The following MARVELD3 variants were observed in gnomAD, a reference collection of about 807,000 sequenced individuals.
The protein encoded by MARVELD3 is MARVEL domain containing 3.
In MARVELD3, 28 loss-of-function variants were observed where a neutral mutation model predicts 33.5. The observed-to-expected ratio is 0.84, with a 90% CI of 0.62 to 1.15. MARVELD3 has a LOEUF of 1.15. Among genes scored for constraint, MARVELD3 ranks in the 50% most tolerant of loss-of-function variants. MARVELD3 has a pLI of 0.00. For synonymous variants in MARVELD3, 241 were observed against 230.4 expected, an observed-to-expected ratio of 1.05 and a Z score of -0.42; for missense variants, 582 against 547.6, an observed-to-expected ratio of 1.06 and a Z score of -0.63.
chr16:71,640,228 T>C (rs1231367376), downstream of MARVELD3, among the ~76,000 whole-genome samples: 9 of 151,332 alleles, frequency 5.9e-5, no homozygotes, highest in Non-Finnish European at 5.9e-5. Flanking sequence ...AATCACACCA[T>C]TGCACTCCAG....
At chr16:71,629,678 A>G (rs1002575252) in intron 2 of MARVELD3, 184 bp downstream of exon 2, 7 of 594,928 alleles carry the variant, frequency 1.2e-5, no homozygotes, top group South Asian at 3.3e-5. Flanking sequence ...GAACGTCTCA[A>G]AAGTGCTGCT....
intron 2 of MARVELD3, among the ~76,000 whole-genome samples, chr16:71,632,734 C>T (rs2044545121): frequency 6.6e-6 from 1 of 151,836 alleles, no homozygotes; most frequent in African/African-American, 2.4e-5. Context: ...ACCTCAGCCT[C>T]CTGAGGAGCT....
Position 71,635,839 on chromosome 16 carries a change from G to C in MARVELD3, c.*1036G>C. On this transcript the variant is annotated 3_prime_UTR_variant, in exon 3 of 3. Coordinates refer to ENST00000268485, the MANE Select transcript of MARVELD3 (RefSeq NM_052858.6). ...GAGGTAGGCGTGGGCTGAGGAAAGAGGAATCAGATTAATTCTCTGGGTTGC... is the reference window on the plus strand; with the variant it reads ...GAGGTAGGCGTGGGCTGAGGAAAGACGAATCAGATTAATTCTCTGGGTTGC... The C allele has an allele frequency of 1.0e-6, 1 of 985,372 alleles. No individual in the cohort carries two copies. The highest frequency in any genetic ancestry group is 1.2e-6 in the Non-Finnish European group (1 of 829,934). The allele number at this position is 985,372 out of a possible 1,614,324, so 61.0% of individuals were successfully genotyped here.
rs1321103667 is a variant in MARVELD3 at position 71,626,418 on chromosome 16, G to A, written c.189G>A (p.Gln63=). Residue 63 remains glutamine, a synonymous_variant, in exon 1 of 3, where the codon CAG becomes CAA. Coordinates refer to ENST00000268485, the MANE Select transcript of MARVELD3 (RefSeq NM_052858.6). The surrounding 1 kb of genome is among the most constrained non-coding windows in gnomAD (Gnocchi z 5.3). ...GGGACCGGGACCCGGAGAGAGACCA[G>A]GAGAGGGACGGGAACCGCGACCGGA... is the stretch of plus-strand genomic sequence containing the variant. ...RDGDRDPERD[Q]ERDGNRDRNR... The A allele has an allele frequency of 1.0e-5, 16 of 1,546,536 alleles. No individual in the cohort carries two copies. The highest frequency in any genetic ancestry group is 1.4e-5 in the Non-Finnish European group (16 of 1,145,040).
downstream of MARVELD3, chr16:71,640,862 C>T (rs1438316947): frequency 6.8e-6 from 11 of 1,614,028 alleles, no homozygotes; most frequent in African/African-American, 2.7e-5. Context: ...TGGCAGGCAC[C>T]GACGGAGCAG....
In MARVELD3 at chr16:71,634,292, TG is replaced by T. The variant is rs1225146385; in HGVS notation, c.701del (p.Gly234AlafsTer32). On this transcript the variant is annotated frameshift_variant, in exon 3 of 3. Coordinates refer to ENST00000268485, the MANE Select transcript of MARVELD3 (RefSeq NM_052858.6). LOFTEE classifies it high-confidence loss of function. ...GGGGGCTACACGGGCATCACCAGCTTGGGGGGCATTTACTACTATCAGTTCG... is the reference window on the plus strand; with the variant it reads ...GGGGGCTACACGGGCATCACCAGCTTGGGGGCATTTACTACTATCAGTTCG... ...STGGYTGITS[L>X]GGIYYYQFGG... 1 of 1,613,980 alleles carries T rather than the reference TG, an allele frequency of 6.2e-7. No homozygotes were observed. The highest frequency in any genetic ancestry group is 1.7e-5 in the Admixed American group (1 of 59,994).
At chr16:71,628,400 G>A (rs539339290) in intron 1 of MARVELD3, among the ~76,000 whole-genome samples, 7 of 152,136 alleles carry the variant, frequency 4.6e-5, no homozygotes, top group African/African-American at 9.7e-5. Context: ...AGCAGAGCGC[G>A]GTGGCGCACG....
intron 2 of MARVELD3, among the ~76,000 whole-genome samples, chr16:71,632,957 G>T (rs924123334): frequency 6.6e-6 from 1 of 152,070 alleles, no homozygotes; most frequent in Non-Finnish European, 1.5e-5. Flanking sequence ...ACATTTTGAT[G>T]TATAACTTCC....
Position 71,626,844 on chromosome 16 carries a change from G to C in MARVELD3, c.467+148G>C, listed in dbSNP as rs1344903737. ...TTCTCCCTTCTGCGCTCTCAGAGGC[G>C]ACCTGGCAGGGAAGGAAAACTTTAG... is the stretch of plus-strand genomic sequence containing the variant. On this transcript the variant is annotated intron_variant, in intron 1 of 2. Transcript: ENST00000268485. The surrounding 1 kb of genome is among the most constrained non-coding windows in gnomAD (Gnocchi z 5.3). The C allele has an allele frequency of 4.3e-6, 3 of 690,210 alleles. No individual in the cohort carries two copies. The highest frequency in any genetic ancestry group is 6.5e-6 in the Non-Finnish European group (3 of 461,298). 42.8% of individuals were successfully genotyped at this position (690,210 alleles called of 1,614,324 possible).
rs189024741 is a variant in MARVELD3, at chr16:71,634,964, C to T, written c.*161C>T. ...GCTCCCAGTCGCATGGAGCGGTGTTCATGGATGCAACAGACCCTGGCTTCT... is the reference window on the plus strand; with the variant it reads ...GCTCCCAGTCGCATGGAGCGGTGTTTATGGATGCAACAGACCCTGGCTTCT... On this transcript the variant is annotated 3_prime_UTR_variant, in exon 3 of 3. Transcript: ENST00000268485. The T allele has an allele frequency of 1.9e-5, 27 of 1,416,810 alleles. No homozygotes were observed. Among genetic ancestry groups the T allele is most frequent in the East Asian group, 7.8e-5 (3 of 38,682 alleles). 87.8% of individuals were successfully genotyped at this position (1,416,810 alleles called of 1,614,324 possible).
chr16:71,631,857 C>A (rs569875015), intron 2 of MARVELD3, among the ~76,000 whole-genome samples: 1 of 152,128 alleles, frequency 6.6e-6, no homozygotes, highest in East Asian at 1.9e-4. Flanking sequence ...GTGTAAAGAT[C>A]GCACTTGAGA....
intron 2 of MARVELD3, 33 bp downstream of exon 2, chr16:71,629,527 C>G (rs1248932891): frequency 3.2e-6 from 5 of 1,540,284 alleles, no homozygotes; most frequent in Middle Eastern, 1.7e-4. Flanking sequence ...TGATCATTTA[C>G]TGTCACTGGT....
At position 71,634,545 on chromosome 16, in the gene MARVELD3, G is replaced by T. The variant is rs779175176; in HGVS notation, c.948G>T (p.Gly316=). The T allele has an allele frequency of 2.5e-6, 4 of 1,614,030 alleles. No individual in the cohort carries two copies. The highest frequency in any genetic ancestry group is 3.3e-5 in the Admixed American group (2 of 59,998). ...TGTTGGACATGCTCATCGCGGGGGG[G>T]TACATCCCGGCCTTGTACTTCTACT... The part of the protein sequence containing the change: ...EGLLDMLIAG[G]YIPALYFYFH... Residue 316 remains glycine (G), a synonymous_variant, in exon 3 of 3, where the codon GGG becomes GGT. Coordinates refer to ENST00000268485, the MANE Select transcript of MARVELD3 (RefSeq NM_052858.6).
At chr16:71,631,151 G>C (rs546534205) in intron 2 of MARVELD3, among the ~76,000 whole-genome samples, 1 of 152,210 alleles carries the variant, frequency 6.6e-6, no homozygotes, top group Non-Finnish European at 1.5e-5. Context: ...TTTGAGGAAA[G>C]TGCTCTAGGC....
chr16:71,628,873 A>G (rs1442643452), intron 1 of MARVELD3, among the ~76,000 whole-genome samples: 2 of 152,190 alleles, frequency 1.3e-5, no homozygotes, highest in Admixed American at 6.5e-5. Flanking sequence ...AAGGGACAGA[A>G]AATGCTAGGG....
chr16:71,634,912 C>G lies in MARVELD3; in HGVS notation c.*109C>G. The stretch of plus-strand genomic sequence containing the variant: ...GAAGTTTCCAGTGCTGGAAAAGCAG[C>G]GAGCCAGCGTTGGTGTGGTGGGCGG... On this transcript the variant is annotated 3_prime_UTR_variant, in exon 3 of 3. Transcript: ENST00000268485. 6 of 1,482,980 alleles carry G rather than the reference C, an allele frequency of 4.0e-6. No individual in the cohort carries two copies. The highest frequency in any genetic ancestry group is 3.6e-6 in the Non-Finnish European group (4 of 1,121,138). 91.9% of individuals were successfully genotyped at this position (1,482,980 alleles called of 1,614,324 possible). A position where few individuals can be genotyped will look rare whatever the true frequency, so the allele number is the denominator to read the frequency against.
At position 71,634,574 on chromosome 16, in the gene MARVELD3, A is replaced by C; in HGVS notation, c.977A>C (p.His326Pro). 1 of 1,614,054 alleles carries C rather than the reference A, an allele frequency of 6.2e-7. No homozygotes were observed. Among genetic ancestry groups the C allele is most frequent in the Non-Finnish European group, 8.5e-7 (1 of 1,180,024 alleles). ...GYIPALYFYF[H>P]YLSAAYGSPV... is the part of the protein sequence containing the mutation. ...ATCCCGGCCTTGTACTTCTACTTCC[A>C]CTACCTCTCTGCTGCCTATGGCTCT... Residue 326 changes from histidine to proline, a missense_variant, in exon 3 of 3, where the codon CAC becomes CCC. His to Pro is a moderately conservative substitution (Grantham distance 77). Coordinates refer to ENST00000268485, the MANE Select transcript of MARVELD3 (RefSeq NM_052858.6).
At chr16:71,629,624 G>C in intron 2 of MARVELD3, 130 bp downstream of exon 2, 1 of 509,788 alleles carries the variant, frequency 2.0e-6, no homozygotes, top group Non-Finnish European at 3.1e-6. Flanking sequence ...TTCTGTACTT[G>C]TGAGGTTCTT....
rs2044478808 is a variant in MARVELD3 at position 71,626,898 on chromosome 16, A to G, written c.467+202A>G. The G allele has an allele frequency of 4.1e-6, 2 of 492,778 alleles. No homozygotes were observed. Among genetic ancestry groups the G allele is most frequent in the South Asian group, 8.5e-5 (2 of 23,476 alleles). The allele number at this position is 492,778 out of a possible 1,614,324, so 30.5% of individuals were successfully genotyped here. On this transcript the variant is annotated intron_variant, in intron 1 of 2. Coordinates refer to ENST00000268485, the MANE Select transcript of MARVELD3 (RefSeq NM_052858.6). This position sits in a 1 kb window ranked among gnomAD's most constrained non-coding sequence, Gnocchi z 5.3. ...TCCCCCTTCTCGTGGCCTGAACCCAACTAACAAAGCAAAAACCACCCCTGT... is the reference window on the plus strand; with the variant it reads ...TCCCCCTTCTCGTGGCCTGAACCCAGCTAACAAAGCAAAAACCACCCCTGT...
Sources: gnomAD v4.1 joint callset for allele counts (sites outside exome capture counted in the v4.1 genomes callset) on GRCh38, gnomAD v4.1.1 for gene constraint, Gnocchi (gnomAD v3.1) non-coding constraint, MANE v1.5 for transcripts, NCBI Gene and HGNC (gene_info 2026-07-23, HGNC 2026-07-21) for gene names.